The following BCAS3 variants were observed in gnomAD, a reference collection of about 807,000 sequenced individuals.
BCAS3 encodes the protein BCAS3 microtubule associated cell migration factor.
A neutral mutation model predicts 116.1 loss-of-function variants in BCAS3; 53 were observed. The ratio of observed to expected loss-of-function variants is 0.46; its 90% CI spans 0.37 to 0.57. The LOEUF (loss-of-function observed/expected upper bound fraction) is 0.57, where lower values mean the gene tolerates loss of function less well. Ranked by LOEUF, BCAS3 falls within the 20% of genes least tolerant of loss-of-function variation. The pLI is 0.00. For missense variants in BCAS3, 917 were observed against 1,165.4 expected, an observed-to-expected ratio of 0.79 and a Z score of 3.10; for synonymous variants, 391 against 408.2, an observed-to-expected ratio of 0.96 and a Z score of 0.51.
chr17:60,779,246 A>G (rs757931353), intron 6 of BCAS3, among the ~76,000 whole-genome samples: 1 of 152,190 alleles, frequency 6.6e-6, no homozygotes, highest in Non-Finnish European at 1.5e-5. Flanking sequence ...ATGATGCCAC[A>G]AGTGGAAAAT....
At position 61,126,719 on chromosome 17, in the gene BCAS3, G is replaced by A. The variant is rs1024260082; in HGVS notation, c.2425+42155G>A. 6.6e-6 allele frequency among the ~76,000 whole-genome samples: 1 copy of A among 152,034 alleles called. No individual in the cohort carries two copies. The highest frequency in any genetic ancestry group is 2.4e-5 in the African/African-American group (1 of 41,382). On this transcript the variant is annotated intron_variant, in intron 22 of 23. Coordinates refer to ENST00000407086, the MANE Select transcript of BCAS3 (RefSeq NM_017679.5). This position sits in a 1 kb window ranked among gnomAD's most constrained non-coding sequence, Gnocchi z 4.6. ...TATCCTTGGACTGAAAATTGCATCC[G>A]GAAAAATGTTTATGTAGTGTTTTTC...
At chr17:61,382,161 C>G (rs527560755) in intron 23 of BCAS3, among the ~76,000 whole-genome samples, 2 of 151,834 alleles carry the variant, frequency 1.3e-5, no homozygotes, top group South Asian at 4.2e-4. Flanking sequence ...AACCCCATCT[C>G]TACTAAAAAT....
At position 61,282,027 on chromosome 17, in the gene BCAS3, T is replaced by C. The variant is rs2051288616; in HGVS notation, c.2426-86300T>C. ...CTGAATTTGGATTCAGAAGACCTCA[T>C]TGACAACTAACTATAACACATTCAA... On this transcript the variant is annotated intron_variant, in intron 22 of 23. Transcript: ENST00000407086. This position sits in a 1 kb window ranked among gnomAD's most constrained non-coding sequence, Gnocchi z 5.9. Among the ~76,000 whole-genome samples, 1 of 152,196 alleles carries C rather than the reference T, an allele frequency of 6.6e-6. No individual in the cohort carries two copies. The highest frequency in any genetic ancestry group is 1.5e-5 in the Non-Finnish European group (1 of 68,022).
Position 61,217,846 on chromosome 17 carries a change from T to C in BCAS3, c.2425+133282T>C, listed in dbSNP as rs978049424. Reference sequence around the variant, plus strand: ...TCCTAGCGCCAAGCACAAAATAAACTAGAAAAGCGTCGGACTTCTCTGTAA... The same window carrying C: ...TCCTAGCGCCAAGCACAAAATAAACCAGAAAAGCGTCGGACTTCTCTGTAA... On this transcript the variant is annotated intron_variant, in intron 22 of 23. Coordinates refer to ENST00000407086, the MANE Select transcript of BCAS3 (RefSeq NM_017679.5). This position sits in a 1 kb window ranked among gnomAD's most constrained non-coding sequence, Gnocchi z 5.2. 6.6e-6 allele frequency among the ~76,000 whole-genome samples: 1 copy of C among 152,152 alleles called. No homozygotes were observed. The highest frequency in any genetic ancestry group is 1.5e-5 in the Non-Finnish European group (1 of 68,020).
intron 6 of BCAS3, among the ~76,000 whole-genome samples, chr17:60,778,291 C>T (rs534701688): frequency 6.6e-6 from 1 of 152,068 alleles, no homozygotes; most frequent in South Asian, 2.1e-4. Flanking sequence ...GTTTATATCT[C>T]TCTGCCCTTC....
intron 7 of BCAS3, among the ~76,000 whole-genome samples, chr17:60,814,244 T>C (rs2049111001): frequency 6.6e-6 from 1 of 151,846 alleles, no homozygotes; most frequent in Admixed American, 6.6e-5. Context: ...TTTAACCTTG[T>C]TCATTAGATG....
Position 61,368,470 on chromosome 17 carries a change from C to T in BCAS3, c.2569C>T (p.Arg857Trp), listed in dbSNP as rs778671553. Reference sequence around the variant, plus strand: ...CGACGCCATGGCCGAGTCACCTAGCCGGGACGTCGTGGGATCCGGAACAGG... The same window carrying T: ...CGACGCCATGGCCGAGTCACCTAGCTGGGACGTCGTGGGATCCGGAACAGG... ...LADAMAESPSRDVVGSGTELQ... is the reference protein window; with the variant it reads ...LADAMAESPSWDVVGSGTELQ... The change falls in exon 23 of 24, where the codon CGG (arginine) becomes TGG (tryptophan). Residue 857 changes from arginine (R) to tryptophan (W), a missense_variant. Transcript: ENST00000407086. This position sits in a 1 kb window ranked among gnomAD's most constrained non-coding sequence, Gnocchi z 6.0. The T allele has an allele frequency of 2.2e-5, 35 of 1,608,790 alleles. No homozygotes were observed. The highest frequency in any genetic ancestry group is 2.6e-5 in the Non-Finnish European group (30 of 1,175,786).
chr17:61,209,972 A>G lies in BCAS3; in HGVS notation c.2425+125408A>G, dbSNP rs2081360392. ...CCCTTTTAGGTGGCTTCCCTGGATC[A>G]TTTTGTAGGGGAGCTGCTGCCACTG... On this transcript the variant is annotated intron_variant, in intron 22 of 23. Transcript: ENST00000407086. Among the ~76,000 whole-genome samples, 2 of 152,264 alleles carry G rather than the reference A, an allele frequency of 1.3e-5. 1 individual carries two copies. The highest frequency in any genetic ancestry group is 4.1e-4 in the South Asian group (2 of 4,828).
At position 61,097,818 on chromosome 17, in the gene BCAS3, G is replaced by C. The variant is rs1329964979; in HGVS notation, c.2425+13254G>C. Among the ~76,000 whole-genome samples the C allele has an allele frequency of 3.3e-5, 5 of 152,324 alleles. No individual in the cohort carries two copies. Among genetic ancestry groups the C allele is most frequent in the Non-Finnish European group, 7.3e-5 (5 of 68,040 alleles). On this transcript the variant is annotated intron_variant, in intron 22 of 23. Transcript: ENST00000407086. This position sits in a 1 kb window ranked among gnomAD's most constrained non-coding sequence, Gnocchi z 4.0. Reference sequence around the variant, plus strand: ...CTCCTGATACTTAAAATTACTTAAAGTGCATTATGGTGACACCTCAGATAA... The same window carrying C: ...CTCCTGATACTTAAAATTACTTAAACTGCATTATGGTGACACCTCAGATAA...
rs1057467922 is a variant in BCAS3 at position 61,198,376 on chromosome 17, G to A, written c.2425+113812G>A. On this transcript the variant is annotated intron_variant, in intron 22 of 23. Transcript: ENST00000407086. The surrounding 1 kb of genome is among the most constrained non-coding windows in gnomAD (Gnocchi z 5.0). ...AGGATGTTCTCGATCTCCTGACCTC[G>A]TGATCCACCCGCCTCGGACTCCCAA... Among the ~76,000 whole-genome samples, 6 of 152,048 alleles carry A rather than the reference G, an allele frequency of 3.9e-5. No homozygotes were observed. The highest frequency in any genetic ancestry group is 3.9e-4 in the East Asian group (2 of 5,172).
In BCAS3 at chr17:60,967,135, A is replaced by G. The variant is rs1185543467; in HGVS notation, c.1221+19783A>G. 6.6e-6 allele frequency among the ~76,000 whole-genome samples: 1 copy of G among 152,148 alleles called. No homozygotes were observed. The highest frequency in any genetic ancestry group is 1.5e-5 in the Non-Finnish European group (1 of 68,014). ...TGTGTTTCACCATGTACTTTTTACC[A>G]GTGGGTTTTATACCTTGAAAAGCTT... On this transcript the variant is annotated intron_variant, in intron 14 of 23. Transcript: ENST00000407086. This position sits in a 1 kb window ranked among gnomAD's most constrained non-coding sequence, Gnocchi z 4.7.
At chr17:61,014,128 A>G (rs1473087935) in intron 15 of BCAS3, among the ~76,000 whole-genome samples, 1 of 152,160 alleles carries the variant, frequency 6.6e-6, no homozygotes, top group African/African-American at 2.4e-5. Context: ...AAAATACCTT[A>G]TCTATTGCTA....
chr17:60,763,141 G>C (rs977927044), intron 6 of BCAS3, among the ~76,000 whole-genome samples: 1 of 152,098 alleles, frequency 6.6e-6, no homozygotes, highest in East Asian at 1.9e-4. Flanking sequence ...TCATCTGCAA[G>C]CAGGGACAAT....
intron 22 of BCAS3, among the ~76,000 whole-genome samples, chr17:61,329,343 ATT>A (rs35909318): frequency 6.9e-5 from 9 of 131,288 alleles, no homozygotes; most frequent in East Asian, 4.5e-4. Context: ...TATTATTATT[ATT>A]TTTTTTTTTT....
intron 22 of BCAS3, among the ~76,000 whole-genome samples, chr17:61,174,258 T>TCAAGAGA (rs1215802625): frequency 1.3e-5 from 2 of 152,214 alleles, no homozygotes; most frequent in Non-Finnish European, 2.9e-5. Flanking sequence ...CAAACAGATC[T>TCAAGAGA]CAAGAGACTT....
intron 22 of BCAS3, among the ~76,000 whole-genome samples, chr17:61,182,027 C>T (rs1601769485): frequency 6.6e-6 from 1 of 152,068 alleles, no homozygotes; most frequent in Non-Finnish European, 1.5e-5. Flanking sequence ...GTGTGCACCA[C>T]TACACCTGGC....
rs2049619771 is a variant in BCAS3, at chr17:61,265,574, T to C, written c.2426-102753T>C. 3.9e-5 allele frequency among the ~76,000 whole-genome samples: 6 copies of C among 152,216 alleles called. 1 individual carries two copies. The South Asian group carries it at 1.2e-3, about 32-fold the overall frequency. Reference sequence around the variant, plus strand: ...GTGGGCCTGGTTTCTACAATCTTGTTTGGCTACAATTCATGTTGACTTTAC... The same window carrying C: ...GTGGGCCTGGTTTCTACAATCTTGTCTGGCTACAATTCATGTTGACTTTAC... On this transcript the variant is annotated intron_variant, in intron 22 of 23. Coordinates refer to ENST00000407086, the MANE Select transcript of BCAS3 (RefSeq NM_017679.5). The surrounding 1 kb of genome is among the most constrained non-coding windows in gnomAD (Gnocchi z 4.3).
intron 7 of BCAS3, among the ~76,000 whole-genome samples, chr17:60,840,970 G>A (rs557536664): frequency 1.3e-5 from 2 of 152,240 alleles, no homozygotes; most frequent in Non-Finnish European, 2.9e-5. Context: ...AGAAATGTTA[G>A]TGTGTTACAG....
intron 22 of BCAS3, among the ~76,000 whole-genome samples, chr17:61,298,200 A>G (rs911895383): frequency 6.6e-6 from 1 of 152,174 alleles, no homozygotes; most frequent in Non-Finnish European, 1.5e-5. Context: ...CCAAAGACAT[A>G]GGCCTGGACA....
Sources: allele counts gnomAD v4.1 joint callset (sites outside exome capture counted in the v4.1 genomes callset), GRCh38; gene constraint gnomAD v4.1.1; non-coding constraint Gnocchi (gnomAD v3.1); transcripts MANE v1.5; gene names NCBI Gene and HGNC (gene_info 2026-07-23, HGNC 2026-07-21).